The following FBRSL1 variants were observed in gnomAD, a reference collection of about 807,000 sequenced individuals.
The protein encoded by FBRSL1 is fibrosin like 1, also known as fibrosin-1-like protein.
Under a neutral mutation model 89.6 loss-of-function variants are expected in FBRSL1, and 51 were observed. The ratio of observed to expected loss-of-function variants is 0.57; its 90% CI spans 0.45 to 0.72. The LOEUF (loss-of-function observed/expected upper bound fraction) is 0.72, where lower values mean the gene tolerates loss of function less well. Among genes scored for constraint, FBRSL1 ranks in the 30% least tolerant of loss-of-function variants. The pLI is 0.00. For synonymous variants in FBRSL1, 779 were observed against 681.1 expected, an observed-to-expected ratio of 1.14 and a Z score of -2.24; for missense variants, 1,618 against 1,451.8, an observed-to-expected ratio of 1.11 and a Z score of -1.86.
At chr12:132,505,715 G>A (rs1460960554) in intron 1 of FBRSL1, among the ~76,000 whole-genome samples, 1 of 152,208 alleles carries the variant, frequency 6.6e-6, no homozygotes, top group Non-Finnish European at 1.5e-5. Flanking sequence ...AGCTGGGCAG[G>A]GCAGTGCTGT....
At chr12:132,526,527 C>G in intron 3 of FBRSL1, among the ~76,000 whole-genome samples, 1 of 152,136 alleles carries the variant, frequency 6.6e-6, no homozygotes, top group Non-Finnish European at 1.5e-5. Context: ...GTGGGCCCAT[C>G]GGGACCCAGG....
chr12:132,509,904 C>T, intron 2 of FBRSL1: 1 of 1,231,428 alleles, frequency 8.1e-7, no homozygotes, highest in Non-Finnish European at 1.0e-6. Context: ...GTGCTGCTGC[C>T]CCCGGCGGGC....
Position 132,490,416 on chromosome 12 carries a change from A to T in FBRSL1, c.-155A>T. 1 of 360,794 alleles carries T rather than the reference A, an allele frequency of 2.8e-6. No homozygotes were observed. The highest frequency in any genetic ancestry group is 3.7e-6 in the Non-Finnish European group (1 of 269,148). The allele number at this position is 360,794 out of a possible 1,614,324, so 22.3% of individuals were successfully genotyped here. On this transcript the variant is annotated 5_prime_UTR_variant, in exon 1 of 19. The change abolishes an upstream ATG in the 5' untranslated region. Coordinates refer to ENST00000680143, the MANE Select transcript of FBRSL1 (RefSeq NM_001367871.1). ...GGCTGAGCCGCCCCCCGCGCCCGGC[A>T]TGCCCGGCCCGGCCCGCCGCCCGCC...
chr12:132,547,339 C>T (rs6560882), intron 4 of FBRSL1, among the ~76,000 whole-genome samples: 114,579 of 150,036 alleles, frequency 0.76, 44,410 homozygotes, highest in African/African-American at 0.91. Flanking sequence ...AGGGCTCTGC[C>T]TACTGAAAAC....
intron 4 of FBRSL1, among the ~76,000 whole-genome samples, chr12:132,537,931 A>G (rs7397820): frequency 0.96 from 145,791 of 152,292 alleles, 69,823 homozygotes; most frequent in East Asian, 1. Flanking sequence ...GGAGCTGGCC[A>G]CACTCGTGTG....
chr12:132,558,205 G>A (rs144533075), intron 5 of FBRSL1, among the ~76,000 whole-genome samples: 5 of 152,248 alleles, frequency 3.3e-5, no homozygotes, highest in Non-Finnish European at 5.9e-5. Context: ...AGGGCTCCAC[G>A]CATTTCAAAT....
chr12:132,583,673 C>G lies in FBRSL1; in HGVS notation c.2904C>G (p.Pro968=). 1 of 1,116,132 alleles carries G rather than the reference C, an allele frequency of 9.0e-7. No individual in the cohort carries two copies. Among genetic ancestry groups the G allele is most frequent in the Non-Finnish European group, 1.1e-6 (1 of 913,406 alleles). The allele number at this position is 1,116,132 out of a possible 1,614,324, so 69.1% of individuals were successfully genotyped here. A position where few individuals can be genotyped will look rare whatever the true frequency, so the allele number is the denominator to read the frequency against. Reference sequence around the variant, plus strand: ...TGACGGCGGCCGGGCCCCCCACGCCCCCCGGGCCGCCGCGGAGCCGGACTA... The same window carrying G: ...TGACGGCGGCCGGGCCCCCCACGCCGCCCGGGCCGCCGCGGAGCCGGACTA... The part of the protein sequence containing the change: ...PLVTAAGPPT[P]PGPPRSRTTP... The change falls in exon 19 of 19, where the codon CCC becomes CCG. Residue 968 remains proline (P), a synonymous_variant. Transcript: ENST00000680143.
rs1182852944 is a variant in FBRSL1, at chr12:132,584,522, T to TA, written c.*746dup. ...CTGGCTGTAAACATTATCAGAAGTTTAATGGCAGCAACTTTCCTTCAACTA... is the reference window on the plus strand; with the variant it reads ...CTGGCTGTAAACATTATCAGAAGTTTAAATGGCAGCAACTTTCCTTCAACTA... On this transcript the variant is annotated 3_prime_UTR_variant, in exon 19 of 19. Coordinates refer to ENST00000680143, the MANE Select transcript of FBRSL1 (RefSeq NM_001367871.1). The TA allele has an allele frequency of 6.6e-6, 1 of 152,218 alleles. No homozygotes were observed. The highest frequency in any genetic ancestry group is 1.5e-5 in the Non-Finnish European group (1 of 68,036). The allele number at this position is 152,218 out of a possible 1,614,324, so 9.4% of individuals were successfully genotyped here.
At chr12:132,560,570 C>T (rs566095083) in intron 5 of FBRSL1, among the ~76,000 whole-genome samples, 4 of 152,170 alleles carry the variant, frequency 2.6e-5, no homozygotes, top group African/African-American at 9.6e-5. Flanking sequence ...TCACCTGCCC[C>T]GAGTTGGAGT....
intron 15 of FBRSL1, among the ~76,000 whole-genome samples, chr12:132,579,382 A>G (rs958032606): frequency 5.3e-5 from 8 of 152,170 alleles, no homozygotes; most frequent in African/African-American, 1.9e-4. Flanking sequence ...TAGTAGAATT[A>G]CTCATAGATG....
chr12:132,522,501 T>C (rs1298945290), intron 2 of FBRSL1, among the ~76,000 whole-genome samples: 2 of 152,158 alleles, frequency 1.3e-5, no homozygotes, highest in Non-Finnish European at 2.9e-5. Flanking sequence ...GGCTGCCCAG[T>C]GGAGTGCAGC....
Position 132,499,065 on chromosome 12 carries a change from C to T in FBRSL1, c.291+8204C>T, listed in dbSNP as rs2032533280. On this transcript the variant is annotated intron_variant, in intron 1 of 18. Transcript: ENST00000680143. The surrounding 1 kb of genome is among the most constrained non-coding windows in gnomAD (Gnocchi z 4.3). ...TGCTGTCCCCTGGGACAGTGCTCTG[C>T]AAGGCCTCCAGGAGCTTGGGTGGCC... Among the ~76,000 whole-genome samples the T allele has an allele frequency of 6.6e-6, 1 of 152,272 alleles. No homozygotes were observed. Among genetic ancestry groups the T allele is most frequent in the Non-Finnish European group, 1.5e-5 (1 of 68,044 alleles).
chr12:132,547,035 A>G lies in FBRSL1; in HGVS notation c.616-968A>G, dbSNP rs191641874. ...GGTTTATTCTTCCACCAGGTCATTC[A>G]TTCGACGTGAATGCCTCATAATTGC... On this transcript the variant is annotated intron_variant, in intron 4 of 18. Coordinates refer to ENST00000680143, the MANE Select transcript of FBRSL1 (RefSeq NM_001367871.1). 6.3e-3 allele frequency among the ~76,000 whole-genome samples: 966 copies of G among 152,264 alleles called. 7 individuals carry two copies. Among genetic ancestry groups the G allele is most frequent in the Non-Finnish European group, 6.2e-3 (422 of 68,010 alleles).
intron 5 of FBRSL1, among the ~76,000 whole-genome samples, chr12:132,563,742 C>T (rs75660934): frequency 0.076 from 7,965 of 104,828 alleles, 605 homozygotes; most frequent in Non-Finnish European, 0.12. Context: ...CCCCCGAGCT[C>T]CTGTGCACCC....
intron 4 of FBRSL1, among the ~76,000 whole-genome samples, chr12:132,541,069 C>T (rs775498303): frequency 5.9e-5 from 9 of 151,564 alleles, no homozygotes; most frequent in Non-Finnish European, 1.0e-4. Context: ...CGAGGCACGT[C>T]AGGTGCAAAT....
intron 15 of FBRSL1, among the ~76,000 whole-genome samples, chr12:132,579,729 C>T (rs547214600): frequency 2.6e-5 from 4 of 152,266 alleles, no homozygotes; most frequent in South Asian, 4.2e-4. Flanking sequence ...GGTTTTGTCA[C>T]GAGGGCTCTT....
chr12:132,537,413 G>A (rs537899260), intron 4 of FBRSL1, among the ~76,000 whole-genome samples: 15 of 152,208 alleles, frequency 9.9e-5, no homozygotes, highest in South Asian at 8.3e-4. Context: ...GGGTTGGGCC[G>A]AACCCAGAGG....
intron 4 of FBRSL1, among the ~76,000 whole-genome samples, chr12:132,535,451 C>A (rs1218140806): frequency 1.3e-5 from 2 of 152,194 alleles, no homozygotes; most frequent in Non-Finnish European, 2.9e-5. Context: ...GCCTCTGAGG[C>A]GGGATGGGGC....
At chr12:132,503,443 T>C (rs944829219) in intron 1 of FBRSL1, among the ~76,000 whole-genome samples, 20 of 152,198 alleles carry the variant, frequency 1.3e-4, no homozygotes, top group Non-Finnish European at 2.1e-4. Context: ...CAAGGCGACA[T>C]TGGACATGGG....
Sources: gnomAD v4.1 joint callset for allele counts (sites outside exome capture counted in the v4.1 genomes callset) on GRCh38, gnomAD v4.1.1 for gene constraint, Gnocchi (gnomAD v3.1) non-coding constraint, MANE v1.5 for transcripts, NCBI Gene and HGNC (gene_info 2026-07-23, HGNC 2026-07-21) for gene names.